PRKG1: variants seen among roughly 807,000 people sequenced by gnomAD.
PRKG1 encodes the protein cGMP-dependent protein kinase 1.
In PRKG1, 35 loss-of-function variants were observed where a neutral mutation model predicts 88.1. The ratio of observed to expected loss-of-function variants is 0.40; its 90% CI spans 0.30 to 0.53. The LOEUF is 0.53. Ranked by LOEUF, PRKG1 falls within the 20% of genes least tolerant of loss-of-function variation. The probability of loss-of-function intolerance (pLI) is 0.59; values close to 1 mark genes in which losing one functional copy is unlikely to be tolerated. For missense variants in PRKG1, 540 were observed against 839.8 expected, an observed-to-expected ratio of 0.64 and a Z score of 4.41; for synonymous variants, 303 against 292.5, an observed-to-expected ratio of 1.04 and a Z score of -0.37.
intron 5 of PRKG1, among the ~76,000 whole-genome samples, chr10:52,007,075 G>A (rs1025067456): frequency 1.3e-5 from 2 of 152,140 alleles, no homozygotes; most frequent in African/African-American, 4.8e-5. Context: ...AGAAGCAAAT[G>A]GTGAAATAAT....
intron 3 of PRKG1, among the ~76,000 whole-genome samples, chr10:51,629,737 G>A (rs750715326): frequency 3.3e-5 from 5 of 152,118 alleles, no homozygotes; most frequent in Non-Finnish European, 5.9e-5. Context: ...GGACAAAGTC[G>A]ATTCACCTGG....
At chr10:51,606,549 C>T (rs1009573525) in intron 3 of PRKG1, among the ~76,000 whole-genome samples, 1 of 152,112 alleles carries the variant, frequency 6.6e-6, no homozygotes, top group Non-Finnish European at 1.5e-5. Flanking sequence ...GGCATCTTTT[C>T]GTTCCTCACC....
At chr10:51,060,780 G>A (rs1010905535) in intron 1 of PRKG1, among the ~76,000 whole-genome samples, 2 of 151,958 alleles carry the variant, frequency 1.3e-5, no homozygotes, top group African/African-American at 2.4e-5. Context: ...ATCTCCTTTA[G>A]TGTGATCAGT....
At chr10:51,871,636 C>G (rs1055240084) in intron 4 of PRKG1, among the ~76,000 whole-genome samples, 3 of 152,180 alleles carry the variant, frequency 2.0e-5, no homozygotes, top group Admixed American at 1.3e-4. Context: ...AATACATAGT[C>G]CATCCCAGCA....
intron 3 of PRKG1, among the ~76,000 whole-genome samples, chr10:51,758,721 C>T (rs1837935795): frequency 6.6e-6 from 1 of 152,054 alleles, no homozygotes; most frequent in Admixed American, 6.5e-5. Flanking sequence ...GATACATGTG[C>T]AGAACGTGCA....
intron 2 of PRKG1, among the ~76,000 whole-genome samples, chr10:51,331,844 T>G (rs1049375799): frequency 1.3e-5 from 2 of 152,234 alleles, no homozygotes; most frequent in Non-Finnish European, 2.9e-5. Flanking sequence ...CAGCTGGTTT[T>G]AGTAGGCCTT....
intron 3 of PRKG1, among the ~76,000 whole-genome samples, chr10:51,549,782 C>G (rs1842536144): frequency 6.6e-6 from 1 of 152,080 alleles, no homozygotes; most frequent in East Asian, 1.9e-4. Flanking sequence ...CAGTTTATGT[C>G]AAGTGGCCTT....
At chr10:52,238,814 T>A (rs1224540519) in intron 9 of PRKG1, among the ~76,000 whole-genome samples, 1 of 150,508 alleles carries the variant, frequency 6.6e-6, no homozygotes, top group East Asian at 2.0e-4. Context: ...AGCCATCCCA[T>A]TACTGGGTAT....
intron 1 of PRKG1, among the ~76,000 whole-genome samples, chr10:51,050,776 C>T (rs549655369): frequency 2.0e-5 from 3 of 152,174 alleles, no homozygotes; most frequent in African/African-American, 7.2e-5. Context: ...TACATTTCCA[C>T]CAACAGGGTT....
At chr10:51,723,281 T>C (rs1054386507) in intron 3 of PRKG1, among the ~76,000 whole-genome samples, 12 of 152,192 alleles carry the variant, frequency 7.9e-5, no homozygotes, top group African/African-American at 2.4e-4. Flanking sequence ...CACCATGGAA[T>C]ACTATGCAGC....
At chr10:51,380,048 G>A (rs1488486033) in intron 2 of PRKG1, among the ~76,000 whole-genome samples, 1 of 152,088 alleles carries the variant, frequency 6.6e-6, no homozygotes, top group Admixed American at 6.6e-5. Flanking sequence ...CACCATAAGA[G>A]GTGTGATCAG....
intron 7 of PRKG1, among the ~76,000 whole-genome samples, chr10:52,129,104 G>A (rs995032947): frequency 3.3e-5 from 5 of 152,138 alleles, no homozygotes; most frequent in African/African-American, 1.2e-4. Flanking sequence ...AGTAAGTTCA[G>A]TTTTTAAAAA....
intron 1 of PRKG1, among the ~76,000 whole-genome samples, chr10:51,122,903 G>T (rs913973912): frequency 5.3e-5 from 8 of 152,074 alleles, no homozygotes; most frequent in Non-Finnish European, 1.2e-4. Flanking sequence ...TCAATTTTAG[G>T]CTTCCTATAG....
chr10:51,741,588 T>C (rs977110459), intron 3 of PRKG1, among the ~76,000 whole-genome samples: 4 of 152,106 alleles, frequency 2.6e-5, no homozygotes, highest in African/African-American at 9.7e-5. Context: ...TTTTAAGACG[T>C]CCACAAGGCA....
chr10:51,037,879 A>C, intron 1 of PRKG1, among the ~76,000 whole-genome samples: 1 of 152,196 alleles, frequency 6.6e-6, no homozygotes, highest in South Asian at 2.1e-4. Flanking sequence ...ACATGGCCTC[A>C]CACTTTTTAA....
At chr10:51,508,404 A>G (rs559594895) in intron 3 of PRKG1, among the ~76,000 whole-genome samples, 1 of 152,288 alleles carries the variant, frequency 6.6e-6, no homozygotes, top group East Asian at 1.9e-4. Context: ...ACCCTGGGCA[A>G]GGGTGTGGCT....
intron 9 of PRKG1, among the ~76,000 whole-genome samples, chr10:52,209,508 A>C (rs1330979297): frequency 6.6e-6 from 1 of 152,178 alleles, no homozygotes; most frequent in African/African-American, 2.4e-5. Flanking sequence ...CTCATTTAAT[A>C]GTTTTTGCAG....
At chr10:51,896,612 T>C (rs1177664983) in intron 4 of PRKG1, among the ~76,000 whole-genome samples, 1 of 121,400 alleles carries the variant, frequency 8.2e-6, no homozygotes, top group Non-Finnish European at 1.6e-5. Flanking sequence ...CCCAGGAGGC[T>C]AAGCTTAGGT....
At chr10:52,028,296 T>G (rs964028275) in intron 5 of PRKG1, among the ~76,000 whole-genome samples, 1 of 152,176 alleles carries the variant, frequency 6.6e-6, no homozygotes, top group African/African-American at 2.4e-5. Flanking sequence ...GCACATTCTA[T>G]TATGATCACT....
Sources: allele counts gnomAD v4.1 joint callset (sites outside exome capture counted in the v4.1 genomes callset), GRCh38; gene constraint gnomAD v4.1.1; transcripts MANE v1.5; gene names NCBI Gene and HGNC (gene_info 2026-07-23, HGNC 2026-07-21).